The following DMD variants were observed in gnomAD, a reference collection of about 807,000 sequenced individuals.
DMD encodes the protein dystrophin, also known as mutant dystrophin.
DMD carries 63 observed loss-of-function variants against 330.1 expected under a neutral mutation model. The ratio of observed to expected loss-of-function variants is 0.19; its 90% CI spans 0.16 to 0.24. DMD has a LOEUF of 0.24. DMD is among the 10% of genes least tolerant of loss of function. The pLI is 1.00. For missense variants in DMD, 3,344 were observed against 2,684.1 expected (o/e 1.25, Z -5.43); for synonymous variants, 1,223 against 959.8 (o/e 1.27, Z -5.07).
At chrX:32,720,691 C>T (rs944327012) in intron 7 of DMD, among the ~76,000 whole-genome samples, 3 of 111,316 alleles carry the variant, frequency 2.7e-5, no homozygotes, top group East Asian at 5.6e-4. Context: ...GTAGCTGAGG[C>T]GATAGACATT....
intron 1 of DMD, among the ~76,000 whole-genome samples, chrX:33,317,385 C>A (rs1199519807): frequency 2.7e-5 from 3 of 111,602 alleles, no homozygotes; most frequent in Non-Finnish European, 5.7e-5. Context: ...TATATTTCTG[C>A]AATATCAACT....
chrX:31,715,235 G>A (rs1432186841), intron 52 of DMD, among the ~76,000 whole-genome samples: 1 of 103,497 alleles, frequency 9.7e-6, no homozygotes, highest in Admixed American at 1.1e-4. Context: ...GGGGAGCTGC[G>A]AAACTGAACT....
intron 44 of DMD, among the ~76,000 whole-genome samples, chrX:31,975,751 G>T (rs772035698): frequency 2.8e-4 from 31 of 112,092 alleles, no homozygotes; most frequent in Non-Finnish European, 2.6e-4. Flanking sequence ...CTCTCTAGAG[G>T]TATTATCAAT....
intron 1 of DMD, among the ~76,000 whole-genome samples, chrX:33,132,907 C>T (rs1015268255): frequency 2.7e-5 from 3 of 111,368 alleles, no homozygotes; most frequent in African/African-American, 9.8e-5. Context: ...GTTCCAGATA[C>T]AGAGTTAGTG....
chrX:31,796,127 C>T (rs764179949), intron 50 of DMD, among the ~76,000 whole-genome samples: 1 of 112,039 alleles, frequency 8.9e-6, no homozygotes, highest in East Asian at 2.8e-4. Flanking sequence ...ACAACCTTTA[C>T]TAATACATTA....
At chrX:32,395,823 T>A (rs151170371) in intron 30 of DMD, among the ~76,000 whole-genome samples, 1 of 111,365 alleles carries the variant, frequency 9.0e-6, no homozygotes, top group Non-Finnish European at 1.9e-5. Flanking sequence ...AAAGACTGAA[T>A]GTGAGTTAGT....
intron 29 of DMD, among the ~76,000 whole-genome samples, chrX:32,436,646 A>G (rs1047999158): frequency 8.9e-6 from 1 of 111,765 alleles, no homozygotes; most frequent in Admixed American, 9.5e-5. Context: ...GACAGAATAG[A>G]TGAGTACTGA....
intron 19 of DMD, among the ~76,000 whole-genome samples, chrX:32,496,820 G>C (rs1327428460): frequency 1.8e-5 from 2 of 112,210 alleles, no homozygotes; most frequent in Non-Finnish European, 3.8e-5. Context: ...ATTATACTAA[G>C]TGTCATGTGG....
chrX:32,487,295 C>A (rs1346158346), intron 20 of DMD, among the ~76,000 whole-genome samples: 2 of 111,687 alleles, frequency 1.8e-5, no homozygotes, highest in African/African-American at 3.2e-5. Context: ...GTTTTCACTG[C>A]CCTTTTTAAA....
intron 16 of DMD, among the ~76,000 whole-genome samples, chrX:32,558,140 T>C (rs1263564980): frequency 9.0e-6 from 1 of 111,451 alleles, no homozygotes; most frequent in African/African-American, 3.3e-5. Flanking sequence ...TCCAATTTAA[T>C]GTATTTTGTT....
rs190944792 is a variant in DMD at position 31,676,215 on chromosome X, G to T, written c.7872+3160C>A. 2.7e-5 allele frequency among the ~76,000 whole-genome samples: 3 copies of T among 111,931 alleles called. No homozygotes were observed. In the East Asian group the frequency reaches 8.5e-4, roughly 32 times the overall value. ...ACTCAGAAAGAACTTACGGAGCAAG[G>T]GGGTGTTGCTTTAGCCATTTAATGT... On this transcript the variant is annotated intron_variant, in intron 53 of 78. Coordinates refer to ENST00000357033, the MANE Select transcript of DMD (RefSeq NM_004006.3).
rs2056989338 is a variant in DMD, at chrX:31,329,705, G to A, written c.9164-6047C>T. On this transcript the variant is annotated intron_variant, in intron 61 of 78. Transcript: ENST00000357033. ...GGGTCCACCTCGGCCGGGCGCGGTGGCTCACCCCTGTAATCCCAGCACTTT... is the reference window on the plus strand; with the variant it reads ...GGGTCCACCTCGGCCGGGCGCGGTGACTCACCCCTGTAATCCCAGCACTTT... 2.7e-5 allele frequency among the ~76,000 whole-genome samples: 3 copies of A among 110,285 alleles called. No individual in the cohort carries two copies. The Admixed American group carries it at 2.9e-4, about 11-fold the overall frequency.
intron 60 of DMD, among the ~76,000 whole-genome samples, chrX:31,443,870 C>T (rs192080528): frequency 8.1e-5 from 9 of 111,644 alleles, no homozygotes; most frequent in African/African-American, 2.0e-4. Flanking sequence ...TTCTGTTTAT[C>T]GTAAGAATAC....
chrX:32,038,103 A>T (rs1385799466), intron 44 of DMD, among the ~76,000 whole-genome samples: 4 of 111,911 alleles, frequency 3.6e-5, no homozygotes, highest in Non-Finnish European at 7.5e-5. Flanking sequence ...TTAACATAAG[A>T]GATACAAAGA....
At chrX:33,082,564 A>G (rs139709010) in intron 1 of DMD, among the ~76,000 whole-genome samples, 133 of 112,709 alleles carry the variant, frequency 1.2e-3, no homozygotes, top group African/African-American at 4.1e-3. Flanking sequence ...CTACTGAGCT[A>G]TATACAGCGT....
At chrX:32,459,519 G>C (rs1231062228) in intron 25 of DMD, among the ~76,000 whole-genome samples, 2 of 110,889 alleles carry the variant, frequency 1.8e-5, no homozygotes, top group African/African-American at 6.5e-5. Flanking sequence ...TTTGAAAAGT[G>C]TACTTGACTT....
chrX:32,632,042 T>C (rs1458056274), intron 11 of DMD, among the ~76,000 whole-genome samples: 1 of 111,891 alleles, frequency 8.9e-6, no homozygotes, highest in Non-Finnish European at 1.9e-5. Context: ...AAGTTTCTTC[T>C]ACCTATGAGC....
chrX:32,489,690 CA>C (rs765906097), intron 20 of DMD, among the ~76,000 whole-genome samples: 1 of 111,502 alleles, frequency 9.0e-6, no homozygotes, highest in Non-Finnish European at 1.9e-5. Flanking sequence ...ACATTAGAGA[CA>C]CTTAATGTAT....
chrX:32,606,533 A>C (rs1334580051), intron 12 of DMD, among the ~76,000 whole-genome samples: 2 of 109,531 alleles, frequency 1.8e-5, no homozygotes, highest in Non-Finnish European at 3.9e-5. Context: ...CAACTATTGG[A>C]TCCTGCAATC....
Sources: gnomAD v4.1 joint callset for allele counts (sites outside exome capture counted in the v4.1 genomes callset) on GRCh38, gnomAD v4.1.1 for gene constraint, MANE v1.5 for transcripts, NCBI Gene and HGNC (gene_info 2026-07-23, HGNC 2026-07-21) for gene names.